VNN1: variants seen among roughly 807,000 people sequenced by gnomAD.
VNN1 encodes vanin 1, also known as pantetheinase.
VNN1 carries 29 observed loss-of-function variants against 41.9 expected under a neutral mutation model. The observed-to-expected ratio is 0.69, with a 90% CI of 0.52 to 0.94. The LOEUF (loss-of-function observed/expected upper bound fraction) is 0.94, where lower values mean the gene tolerates loss of function less well. VNN1 is among the 40% of genes least tolerant of loss of function. The pLI, the probability that VNN1 is intolerant of heterozygous loss-of-function variation, is 0.00. For missense variants in VNN1, 637 were observed against 621.1 expected (o/e 1.03, Z -0.27); for synonymous variants, 233 against 224.4 (o/e 1.04, Z -0.34).
intron 2 of VNN1, among the ~76,000 whole-genome samples, chr6:132,701,943 C>T (rs78040505): frequency 6.6e-6 from 1 of 152,342 alleles, no homozygotes; most frequent in African/African-American, 2.4e-5. Context: ...CCAGTGCCCA[C>T]AGAGGGCACA....
intron 5 of VNN1, among the ~76,000 whole-genome samples, chr6:132,686,841 G>A: frequency 6.6e-6 from 1 of 151,932 alleles, no homozygotes. Flanking sequence ...AGAGAGAGAA[G>A]AAAAAATAAT....
intron 2 of VNN1, among the ~76,000 whole-genome samples, chr6:132,707,085 G>A (rs936536424): frequency 6.6e-6 from 1 of 151,976 alleles, no homozygotes; most frequent in Non-Finnish European, 1.5e-5. Flanking sequence ...AAATAGCTGG[G>A]TGTAGTGGCA....
rs919739391 is a variant in VNN1, at chr6:132,696,028, T to C, written c.342-1846A>G. Reference sequence around the variant, plus strand: ...AAAATCATCCCTGAAAAGGACCACATGACAGACCTACTAAACACAGACTTT... The same window carrying C: ...AAAATCATCCCTGAAAAGGACCACACGACAGACCTACTAAACACAGACTTT... On this transcript the variant is annotated intron_variant, in intron 2 of 6. Transcript: ENST00000367928. Among the ~76,000 whole-genome samples the C allele has an allele frequency of 2.0e-5, 3 of 152,110 alleles. No homozygotes were observed. The East Asian group carries it at 5.8e-4, about 29-fold the overall frequency.
chr6:132,693,245 G>T lies in VNN1; in HGVS notation c.605C>A (p.Thr202Asn). The change falls in exon 4 of 7, where the codon ACC becomes AAC. Residue 202 changes from threonine to asparagine, a missense_variant. Physicochemically the swap from Thr to Asn is moderately conservative, Grantham distance 65. Transcript: ENST00000367928. ...TGTGAAAATGCCAAAACTTCCAAAG[G>T]TGGTATTGAAAGTCACAATCTCAGG... Reference protein sequence around the residue: ...KEPEIVTFNTTFGSFGIFTCF... With the variant: ...KEPEIVTFNTNFGSFGIFTCF... 1 of 1,614,034 alleles carries T rather than the reference G, an allele frequency of 6.2e-7. No homozygotes were observed. The highest frequency in any genetic ancestry group is 1.6e-4 in the Middle Eastern group (1 of 6,062).
At position 132,681,383 on chromosome 6, in the gene VNN1, G is replaced by T. The variant is rs45577038; in HGVS notation, c.*1757C>A. ...GCCCCACCCGAGCCTTGAGATGATGGCAGCCCTGGGGACAAGTTAACTACA... is the reference window on the plus strand; with the variant it reads ...GCCCCACCCGAGCCTTGAGATGATGTCAGCCCTGGGGACAAGTTAACTACA... On this transcript the variant is annotated 3_prime_UTR_variant, in exon 7 of 7. Transcript: ENST00000367928. Among the ~76,000 whole-genome samples, 4,304 of 152,176 alleles carry T rather than the reference G, an allele frequency of 0.028. 205 individuals carry two copies. The highest frequency in any genetic ancestry group is 0.098 in the African/African-American group (4,070 of 41,476).
chr6:132,706,175 G>A (rs919452975), intron 2 of VNN1, among the ~76,000 whole-genome samples: 20 of 151,888 alleles, frequency 1.3e-4, no homozygotes, highest in Admixed American at 8.5e-4. Context: ...TGAAATTTAC[G>A]TGGAAACACA....
rs750229217 is a variant in VNN1 at position 132,684,322 on chromosome 6, C to T, written c.1359+13G>A. 1.7e-5 allele frequency: 28 copies of T among 1,601,850 alleles called. No homozygotes were observed. Among genetic ancestry groups the T allele is most frequent in the South Asian group, 3.3e-5 (3 of 89,662 alleles). ...TTACATGAAACTAATTGGCAATATT[C>T]GAAGATTCTTACCTGAAATTCTCCA... is the stretch of plus-strand genomic sequence containing the variant. On this transcript the variant is annotated intron_variant, in intron 6 of 6. Coordinates refer to ENST00000367928, the MANE Select transcript of VNN1 (RefSeq NM_004666.3).
At chr6:132,695,720 T>C (rs979538515) in intron 2 of VNN1, among the ~76,000 whole-genome samples, 1 of 152,160 alleles carries the variant, frequency 6.6e-6, no homozygotes, top group Admixed American at 6.6e-5. Context: ...CAATTAAATA[T>C]ACAGGGAAAT....
chr6:132,696,089 G>C (rs576229461), intron 2 of VNN1, among the ~76,000 whole-genome samples: 2 of 152,078 alleles, frequency 1.3e-5, no homozygotes, highest in African/African-American at 4.8e-5. Context: ...AGAAAATAAA[G>C]GAAGATGTGG....
At chr6:132,687,634 G>T (rs1246639148) in intron 5 of VNN1, among the ~76,000 whole-genome samples, 1 of 152,150 alleles carries the variant, frequency 6.6e-6, no homozygotes, top group Non-Finnish European at 1.5e-5. Flanking sequence ...CAAGGAAATA[G>T]CTAAGAGAGC....
intron 2 of VNN1, among the ~76,000 whole-genome samples, chr6:132,703,046 A>T (rs957404224): frequency 6.6e-6 from 1 of 152,194 alleles, no homozygotes; most frequent in Admixed American, 6.5e-5. Context: ...AGTAACATGA[A>T]GCACCAAGCA....
intron 5 of VNN1, among the ~76,000 whole-genome samples, chr6:132,687,468 A>G (rs1445834324): frequency 1.3e-5 from 2 of 152,194 alleles, no homozygotes; most frequent in East Asian, 1.9e-4. Flanking sequence ...AAAAATCTTC[A>G]CCATGAGGAT....
intron 5 of VNN1, among the ~76,000 whole-genome samples, chr6:132,689,420 A>G (rs1582768555): frequency 6.6e-6 from 1 of 152,288 alleles, no homozygotes; most frequent in African/African-American, 2.4e-5. Flanking sequence ...TCAACCCAAT[A>G]TAATCTGCCC....
intron 5 of VNN1, 75 bp downstream of exon 5, chr6:132,692,148 A>T: frequency 1.4e-6 from 2 of 1,410,124 alleles, no homozygotes. Flanking sequence ...AAAATCATTC[A>T]TTATTTATCT....
At chr6:132,684,269 A>G (rs1188287705) in intron 6 of VNN1, 66 bp downstream of exon 6, 6 of 1,486,032 alleles carry the variant, frequency 4.0e-6, no homozygotes, top group African/African-American at 1.4e-5. Context: ...GCACTTGAGC[A>G]GATTTTTATA....
At chr6:132,685,191 G>GT (rs1562213164) in intron 5 of VNN1, among the ~76,000 whole-genome samples, 1 of 152,152 alleles carries the variant, frequency 6.6e-6, no homozygotes, top group Admixed American at 6.5e-5. Context: ...TCTCCATTAA[G>GT]TTTTTCTTCC....
intron 3 of VNN1, 79 bp downstream of exon 3, chr6:132,693,911 A>G (rs567820876): frequency 6.7e-7 from 1 of 1,500,630 alleles, no homozygotes; most frequent in African/African-American, 1.4e-5. Flanking sequence ...GCTTATCATT[A>G]TCAATAACAT....
At chr6:132,692,641 TA>T in intron 4 of VNN1, 57 bp from the exon 5 acceptor site, 1 of 1,503,440 alleles carries the variant, frequency 6.7e-7, no homozygotes. Flanking sequence ...AGGGATTTCA[TA>T]ATTGTTATTA....
intron 5 of VNN1, among the ~76,000 whole-genome samples, chr6:132,686,561 C>T (rs975456814): frequency 6.6e-6 from 1 of 152,156 alleles, no homozygotes; most frequent in South Asian, 2.1e-4. Context: ...ACCTGGGAGA[C>T]CTGACCATCC....
Sources: allele counts gnomAD v4.1 joint callset (sites outside exome capture counted in the v4.1 genomes callset), GRCh38; gene constraint gnomAD v4.1.1; transcripts MANE v1.5; gene names NCBI Gene and HGNC (gene_info 2026-07-23, HGNC 2026-07-21).